Variants in UBN2 observed in about 807,000 individuals in gnomAD.
The protein encoded by UBN2 is ubinuclein 2.
UBN2 carries 35 observed loss-of-function variants against 120.2 expected under a neutral mutation model. That is an observed-to-expected ratio of 0.29 (90% confidence interval 0.22 to 0.39). The LOEUF (loss-of-function observed/expected upper bound fraction) is 0.39, where lower values mean the gene tolerates loss of function less well. Among genes scored for constraint, UBN2 ranks in the 10% least tolerant of loss-of-function variants. UBN2 has a pLI of 1.00. For missense variants in UBN2, 1,693 were observed against 1,663.2 expected (o/e 1.02, Z -0.31); for synonymous variants, 661 against 648.7 (o/e 1.02, Z -0.29).
chr7:139,233,812 TTTG>T (rs1406986429), intron 1 of UBN2, among the ~76,000 whole-genome samples: 3 of 152,004 alleles, frequency 2.0e-5, no homozygotes, highest in Admixed American at 2.0e-4. Context: ...ACACCCTAGC[TTTG>T]TTAACTTGAT....
At chr7:139,245,600 T>G (rs1364757388) in intron 2 of UBN2, among the ~76,000 whole-genome samples, 1 of 152,212 alleles carries the variant, frequency 6.6e-6, no homozygotes, top group Admixed American at 6.5e-5. Context: ...TATATCTGAT[T>G]GTGCCCATTA....
In UBN2 at chr7:139,261,751, A is replaced by G. The variant is rs1378520246; in HGVS notation, c.1395+10A>G. 1.9e-6 allele frequency: 3 copies of G among 1,595,330 alleles called. No individual in the cohort carries two copies. The highest frequency in any genetic ancestry group is 2.6e-6 in the Non-Finnish European group (3 of 1,167,570). On this transcript the variant is annotated intron_variant, in intron 6 of 17. Transcript: ENST00000473989. Reference sequence around the variant, plus strand: ...CGAAGACCTTCGTGTAGTAAGTGTAATAATTCTCTTGCTTTTTATTTGCTG... The same window carrying G: ...CGAAGACCTTCGTGTAGTAAGTGTAGTAATTCTCTTGCTTTTTATTTGCTG...
chr7:139,242,001 C>G (rs564867347), intron 2 of UBN2, among the ~76,000 whole-genome samples: 93 of 150,656 alleles, frequency 6.2e-4, no homozygotes, highest in Non-Finnish European at 9.6e-4. Flanking sequence ...CCAGCTCCCC[C>G]CCCCAAAAAA....
At chr7:139,277,576 G>C (rs1279207693) in intron 12 of UBN2, 1 of 152,312 alleles carries the variant, frequency 6.6e-6, no homozygotes, top group East Asian at 1.9e-4. Flanking sequence ...CTGTATATCA[G>C]AGATGCATTG....
At position 139,284,340 on chromosome 7, in the gene UBN2, C is replaced by G. The variant is rs760518144; in HGVS notation, c.3435C>G (p.Ala1145=). 2 of 1,614,184 alleles carry G rather than the reference C, an allele frequency of 1.2e-6. No homozygotes were observed. Among genetic ancestry groups the G allele is most frequent in the South Asian group, 1.1e-5 (1 of 91,084 alleles). ...SGLPPTKNLQ[A]PSKLTNSSST... Reference sequence around the variant, plus strand: ...TTCCACCTACAAAAAATCTTCAGGCCCCCTCAAAGCTAACAAACTCATCAT... The same window carrying G: ...TTCCACCTACAAAAAATCTTCAGGCGCCCTCAAAGCTAACAAACTCATCAT... The change falls in exon 15 of 18, where the codon GCC becomes GCG. Residue 1145 remains alanine (A), a synonymous_variant. Transcript: ENST00000473989.
At chr7:139,246,242 G>T (rs531236249) in intron 2 of UBN2, among the ~76,000 whole-genome samples, 2 of 152,130 alleles carry the variant, frequency 1.3e-5, no homozygotes, top group Admixed American at 1.3e-4. Flanking sequence ...GTGCGCACCT[G>T]CAGTCCCAGC....
intron 3 of UBN2, among the ~76,000 whole-genome samples, 171 bp downstream of exon 3, chr7:139,252,228 G>A (rs1796642772): frequency 6.7e-6 from 1 of 148,538 alleles, no homozygotes; most frequent in African/African-American, 2.5e-5. Context: ...AAAGAATACT[G>A]CAGACTGAGA....
intron 15 of UBN2, among the ~76,000 whole-genome samples, chr7:139,288,219 AC>A (rs1291013343): frequency 9.9e-5 from 15 of 152,244 alleles, no homozygotes; most frequent in African/African-American, 3.6e-4. Flanking sequence ...AGGTAGGAAG[AC>A]AAGGAAAAAT....
intron 1 of UBN2, 135 bp from the exon 2 acceptor site, chr7:139,236,870 G>T: frequency 2.4e-6 from 1 of 425,408 alleles, no homozygotes; most frequent in Non-Finnish European, 4.4e-6. Context: ...ATTCTCACTA[G>T]TTTATTTCCT....
intron 2 of UBN2, among the ~76,000 whole-genome samples, chr7:139,250,103 C>G (rs571391893): frequency 5.9e-5 from 9 of 152,192 alleles, no homozygotes; most frequent in African/African-American, 2.2e-4. Context: ...AAGATGGGTA[C>G]CATAGCTTGT....
chr7:139,272,686 C>A (rs1195441659), intron 9 of UBN2, among the ~76,000 whole-genome samples: 1 of 152,104 alleles, frequency 6.6e-6, no homozygotes, highest in East Asian at 1.9e-4. Flanking sequence ...GCCACCACAC[C>A]AGGCTAATTT....
intron 2 of UBN2, among the ~76,000 whole-genome samples, chr7:139,249,190 T>C (rs191335127): frequency 2.6e-5 from 4 of 152,288 alleles, no homozygotes; most frequent in African/African-American, 7.2e-5. Flanking sequence ...AATCTAAAAA[T>C]ATGGGAACCA....
chr7:139,312,508 A>G (rs142666912), downstream of UBN2, among the ~76,000 whole-genome samples: 3 of 152,254 alleles, frequency 2.0e-5, no homozygotes, highest in South Asian at 6.2e-4. Context: ...CCTTCTGTCA[A>G]CTGCGTGTTG....
At chr7:139,293,774 G>A (rs1798031931) in intron 16 of UBN2, 115 bp from the exon 17 acceptor site, 2 of 925,628 alleles carry the variant, frequency 2.2e-6, no homozygotes, top group Non-Finnish European at 3.4e-6. Flanking sequence ...TCTAGTTTTA[G>A]AAGGCCTTCG....
chr7:139,266,312 T>A, intron 6 of UBN2, 21 bp from the exon 7 acceptor site: 5 of 1,505,540 alleles, frequency 3.3e-6, no homozygotes, highest in Non-Finnish European at 4.6e-6. Flanking sequence ...TGATTTATTA[T>A]CATCTTTCTT....
At chr7:139,232,540 C>T (rs982200888) in intron 1 of UBN2, among the ~76,000 whole-genome samples, 2 of 152,198 alleles carry the variant, frequency 1.3e-5, no homozygotes, top group South Asian at 2.1e-4. Flanking sequence ...AAGGATCCCA[C>T]TTTAGGAATG....
chr7:139,276,055 G>A (rs1797433742), intron 11 of UBN2, 42 bp from the exon 12 acceptor site: 1 of 1,481,616 alleles, frequency 6.7e-7, no homozygotes, highest in Non-Finnish European at 9.4e-7. Flanking sequence ...GTTACTATCT[G>A]CTATAAAGAA....
intron 8 of UBN2, among the ~76,000 whole-genome samples, chr7:139,270,161 T>A (rs1050951333): frequency 3.3e-5 from 5 of 152,228 alleles, no homozygotes; most frequent in Admixed American, 3.3e-4. Flanking sequence ...GTTTTGCATA[T>A]TTTTGAGCTT....
At chr7:139,294,081 G>C in intron 17 of UBN2, 100 bp downstream of exon 17, 1 of 1,258,644 alleles carries the variant, frequency 7.9e-7, no homozygotes, top group Admixed American at 2.1e-5. Context: ...ACAAAGGTTG[G>C]AAAATGCAAA....
Sources: allele counts gnomAD v4.1 joint callset (sites outside exome capture counted in the v4.1 genomes callset), GRCh38; gene constraint gnomAD v4.1.1; transcripts MANE v1.5; gene names NCBI Gene and HGNC (gene_info 2026-07-23, HGNC 2026-07-21).